The following CMTM1 variants were observed in gnomAD, a reference collection of about 807,000 sequenced individuals.
The protein encoded by CMTM1 is CKLF-like MARVEL transmembrane domain-containing protein 1.
Under a neutral mutation model 17.8 loss-of-function variants are expected in CMTM1, and 16 were observed. The observed-to-expected ratio is 0.90, with a 90% confidence interval of 0.61 to 1.37. The LOEUF (loss-of-function observed/expected upper bound fraction) is 1.37. Among genes scored for constraint, CMTM1 ranks in the 40% most tolerant of loss-of-function variants. The probability of loss-of-function intolerance (pLI) is 0.00; values close to 1 mark genes in which losing one functional copy is unlikely to be tolerated. For missense variants in CMTM1, 354 were observed against 375.6 expected, an observed-to-expected ratio of 0.94 and a Z score of 0.47; for synonymous variants, 169 against 154.6, an observed-to-expected ratio of 1.09 and a Z score of -0.69.
At position 66,566,446 on chromosome 16, in the gene CMTM1, T is replaced by A; in HGVS notation, c.-68T>A. On this transcript the variant is annotated 5_prime_UTR_variant, in exon 1 of 4. Coordinates refer to ENST00000379500, the MANE Select transcript of CMTM1 (RefSeq NM_052999.4). The surrounding 1 kb of genome is among the most constrained non-coding windows in gnomAD (Gnocchi z 4.9). ...GCCAACAGCCGTTGGGACGCGACGCTGGTTCCCAGGGGAGAGCCAGCCGCT... is the reference window on the plus strand; with the variant it reads ...GCCAACAGCCGTTGGGACGCGACGCAGGTTCCCAGGGGAGAGCCAGCCGCT... The A allele has an allele frequency of 6.7e-7, 1 of 1,491,382 alleles. No homozygotes were observed. The highest frequency in any genetic ancestry group is 8.9e-7 in the Non-Finnish European group (1 of 1,121,550). 92.4% of individuals were successfully genotyped at this position (1,491,382 alleles called of 1,614,324 possible).
intron 1 of CMTM1, among the ~76,000 whole-genome samples, chr16:66,568,644 T>C (rs1466529433): frequency 6.6e-6 from 1 of 152,142 alleles, no homozygotes; most frequent in Non-Finnish European, 1.5e-5. Flanking sequence ...CCCAGCACTT[T>C]GGGAGGCCAA....
rs774508829 is a variant in CMTM1 at position 66,566,928 on chromosome 16, T to G, written c.415T>G (p.Leu139Val). 7 of 1,614,030 alleles carry G rather than the reference T, an allele frequency of 4.3e-6. No individual in the cohort carries two copies. Among genetic ancestry groups the G allele is most frequent in the Non-Finnish European group, 5.9e-6 (7 of 1,180,044 alleles). Residue 139 changes from leucine to valine, a missense_variant, in exon 1 of 4, where the codon TTG (leucine) becomes GTG (valine). Coordinates refer to ENST00000379500, the MANE Select transcript of CMTM1 (RefSeq NM_052999.4). This position sits in a 1 kb window ranked among gnomAD's most constrained non-coding sequence, Gnocchi z 4.9. ...KRFSFSPTGM[L>V]KILRLSLILG... ...TTTCTCCTTCTCGCCCACTGGAATG[T>G]TGAAGATCCTGAGACTGGTGAGCGG...
intron 2 of CMTM1, among the ~76,000 whole-genome samples, chr16:66,573,815 T>C (rs2013886911): frequency 6.6e-6 from 1 of 151,052 alleles, no homozygotes; most frequent in African/African-American, 2.4e-5. Context: ...GCCTCCTGAG[T>C]AGCTGGGATT....
chr16:66,567,841 T>C (rs1045621562), intron 1 of CMTM1, among the ~76,000 whole-genome samples: 5 of 152,290 alleles, frequency 3.3e-5, no homozygotes, highest in East Asian at 3.9e-4. Context: ...ATGTGAATAA[T>C]TGGATGAAAT....
At chr16:66,572,037 CAG>C (rs1275369726) in intron 2 of CMTM1, among the ~76,000 whole-genome samples, 1 of 152,188 alleles carries the variant, frequency 6.6e-6, no homozygotes, top group Non-Finnish European at 1.5e-5. Flanking sequence ...TCTTAAGTGA[CAG>C]TATCCTCTTT....
At position 66,566,793 on chromosome 16, in the gene CMTM1, C is replaced by A. The variant is rs376539260; in HGVS notation, c.280C>A (p.Pro94Thr). The A allele has an allele frequency of 6.2e-7, 1 of 1,613,484 alleles. No individual in the cohort carries two copies. Among genetic ancestry groups the A allele is most frequent in the Non-Finnish European group, 8.5e-7 (1 of 1,179,668 alleles). The change falls in exon 1 of 4, where the codon CCC (proline) becomes ACC (threonine). Residue 94 changes from proline (P) to threonine (T), a missense_variant. By Grantham distance (38) the Pro-to-Thr change is conservative (BLOSUM62 -1). Transcript: ENST00000379500. This position sits in a 1 kb window ranked among gnomAD's most constrained non-coding sequence, Gnocchi z 4.9. Reference protein sequence around the residue: ...RPPPKPTLPPPTPSAHTESKL... With the variant: ...RPPPKPTLPPTTPSAHTESKL... ...ACCCCCAAAGCCCACACTCCCACCCCCCACGCCCTCTGCACACACTGAATC... is the reference window on the plus strand; with the variant it reads ...ACCCCCAAAGCCCACACTCCCACCCACCACGCCCTCTGCACACACTGAATC...
rs1341242822 is a variant in CMTM1 at position 66,566,614 on chromosome 16, T to C, written c.101T>C (p.Val34Ala). 1.2e-6 allele frequency: 2 copies of C among 1,613,894 alleles called. No individual in the cohort carries two copies. Among genetic ancestry groups the C allele is most frequent in the African/African-American group, 2.7e-5 (2 of 74,904 alleles). The change falls in exon 1 of 4, where the codon GTG (valine) becomes GCG (alanine). Residue 34 changes from valine to alanine, a missense_variant. Physicochemically the swap from Val to Ala is moderately conservative, Grantham distance 64. Coordinates refer to ENST00000379500, the MANE Select transcript of CMTM1 (RefSeq NM_052999.4). This position sits in a 1 kb window ranked among gnomAD's most constrained non-coding sequence, Gnocchi z 4.9. ...GCCCTGGCAAGTAGCGGCAGCGTAGTGAGTTCTGTACCCAAGGCACAGCGC... is the reference window on the plus strand; with the variant it reads ...GCCCTGGCAAGTAGCGGCAGCGTAGCGAGTTCTGTACCCAAGGCACAGCGC... The part of the protein sequence containing the change: ...AAALASSGSV[V>A]SSVPKAQRNI...
Position 66,566,711 on chromosome 16 carries a change from C to T in CMTM1, c.198C>T (p.Ala66=), listed in dbSNP as rs761185593. The T allele has an allele frequency of 1.5e-5, 24 of 1,613,874 alleles. No homozygotes were observed. The highest frequency in any genetic ancestry group is 1.9e-5 in the Non-Finnish European group (23 of 1,180,004). Residue 66 remains alanine, a synonymous_variant, in exon 1 of 4, where the codon GCC becomes GCT. Coordinates refer to ENST00000379500, the MANE Select transcript of CMTM1 (RefSeq NM_052999.4). This position sits in a 1 kb window ranked among gnomAD's most constrained non-coding sequence, Gnocchi z 4.9. Reference sequence around the variant, plus strand: ...TTCGCAGTGCGCAGTCCGCAGCCGCCGCACGTCCCCAAGGCAGTGAGGGCA... The same window carrying T: ...TTCGCAGTGCGCAGTCCGCAGCCGCTGCACGTCCCCAAGGCAGTGAGGGCA... ...VSIRSAQSAA[A]ARPQGSEGTA...
chr16:66,577,781 A>G (rs1335877840), intron 3 of CMTM1, among the ~76,000 whole-genome samples: 2 of 152,248 alleles, frequency 1.3e-5, no homozygotes, highest in Non-Finnish European at 2.9e-5. Context: ...ACTGGGACAA[A>G]TTGGGACTCA....
chr16:66,570,336 T>C (rs2013318152), intron 2 of CMTM1, among the ~76,000 whole-genome samples: 3 of 152,202 alleles, frequency 2.0e-5, no homozygotes, highest in African/African-American at 7.2e-5. Context: ...AGACACATGG[T>C]ACTTTTCAGC....
intron 1 of CMTM1, among the ~76,000 whole-genome samples, chr16:66,568,267 T>G (rs913330721): frequency 6.6e-6 from 1 of 152,180 alleles, no homozygotes; most frequent in Non-Finnish European, 1.5e-5. Flanking sequence ...AATATTAAGA[T>G]TCTATTAAAA....
At chr16:66,578,775 C>A in intron 3 of CMTM1, 56 bp from the exon 4 acceptor site, 1 of 1,594,388 alleles carries the variant, frequency 6.3e-7, no homozygotes, top group East Asian at 2.2e-5. Context: ...GAGGTTGCTA[C>A]TGAGCTGCAA....
intron 2 of CMTM1, chr16:66,575,360 T>C (rs1189724054): frequency 8.0e-6 from 3 of 376,870 alleles, no homozygotes; most frequent in South Asian, 2.2e-4. Context: ...TATCCCCATA[T>C]TACAAATTAG....
chr16:66,568,177 A>C (rs1352117394), intron 1 of CMTM1, among the ~76,000 whole-genome samples: 3 of 152,260 alleles, frequency 2.0e-5, no homozygotes, highest in African/African-American at 7.2e-5. Context: ...GCATCAGAAC[A>C]AAATGTCAAT....
At chr16:66,578,753 G>A in intron 3 of CMTM1, 78 bp from the exon 4 acceptor site, 2 of 1,565,586 alleles carry the variant, frequency 1.3e-6, no homozygotes, top group Non-Finnish European at 8.7e-7. Context: ...CCCTGGATAG[G>A]GATAGGTTCG....
chr16:66,575,228 G>A (rs1034684118), intron 2 of CMTM1: 1 of 985,114 alleles, frequency 1.0e-6, no homozygotes, highest in Non-Finnish European at 1.2e-6. Context: ...TTAACATTTT[G>A]AGGGCAGATA....
chr16:66,570,443 A>T (rs916181011), intron 2 of CMTM1, among the ~76,000 whole-genome samples: 3 of 152,232 alleles, frequency 2.0e-5, no homozygotes, highest in Non-Finnish European at 2.9e-5. Flanking sequence ...CTTTGCAGAG[A>T]GCACTCTGAT....
intron 2 of CMTM1, among the ~76,000 whole-genome samples, chr16:66,571,546 C>T (rs2013538401): frequency 2.0e-5 from 3 of 152,200 alleles, no homozygotes; most frequent in Non-Finnish European, 4.4e-5. Flanking sequence ...GGTTTTCTAT[C>T]TCCATTCTCC....
At chr16:66,578,378 C>A (rs978136805) in intron 3 of CMTM1, among the ~76,000 whole-genome samples, 2 of 152,194 alleles carry the variant, frequency 1.3e-5, no homozygotes. Context: ...AACTCTGCCC[C>A]CTTCTCAGCG....
Sources: gnomAD v4.1 joint callset for allele counts (sites outside exome capture counted in the v4.1 genomes callset) on GRCh38, gnomAD v4.1.1 for gene constraint, Gnocchi (gnomAD v3.1) non-coding constraint, MANE v1.5 for transcripts, NCBI Gene and HGNC (gene_info 2026-07-23, HGNC 2026-07-21) for gene names.